Variants in EYA2 observed in about 807,000 individuals in gnomAD.
EYA2 encodes EYA transcriptional coactivator and phosphatase 2.
In EYA2, 31 loss-of-function variants were observed where a neutral mutation model predicts 69.2. The observed-to-expected ratio is 0.45, with a 90% CI of 0.34 to 0.60. EYA2 has a LOEUF of 0.60. Among genes scored for constraint, EYA2 ranks in the 20% least tolerant of loss-of-function variants. The pLI is 0.02. For missense variants in EYA2, 622 were observed against 701.2 expected (o/e 0.89, Z 1.28); for synonymous variants, 257 against 279.4 (o/e 0.92, Z 0.80).
chr20:47,125,435 G>GT (rs200964192), intron 9 of EYA2, among the ~76,000 whole-genome samples: 71 of 151,416 alleles, frequency 4.7e-4, no homozygotes, highest in African/African-American at 1.4e-3. Context: ...AAGAAGCCAA[G>GT]TTTTTTTTTA....
chr20:46,945,878 G>A (rs1978423638), intron 1 of EYA2, among the ~76,000 whole-genome samples: 1 of 152,236 alleles, frequency 6.6e-6, no homozygotes, highest in Non-Finnish European at 1.5e-5. Context: ...CAAGCCATCA[G>A]CTGTTGACAG....
intron 1 of EYA2, among the ~76,000 whole-genome samples, chr20:46,948,410 T>C (rs976626615): frequency 6.6e-6 from 1 of 152,204 alleles, no homozygotes; most frequent in African/African-American, 2.4e-5. Context: ...GTCTACTCTA[T>C]TTCTTTTTTG....
chr20:46,909,792 A>C (rs1239136240), intron 1 of EYA2, among the ~76,000 whole-genome samples: 1 of 152,106 alleles, frequency 6.6e-6, no homozygotes, highest in Non-Finnish European at 1.5e-5. Context: ...ATATCCCCCA[A>C]AATTGTACCT....
chr20:47,159,865 C>G (rs1158878747), intron 10 of EYA2, among the ~76,000 whole-genome samples: 1 of 152,030 alleles, frequency 6.6e-6, no homozygotes. Flanking sequence ...TGGCGCATGC[C>G]TGTAATCCCA....
intron 1 of EYA2, among the ~76,000 whole-genome samples, chr20:46,985,936 C>T (rs1422972845): frequency 6.6e-6 from 1 of 152,126 alleles, no homozygotes; most frequent in African/African-American, 2.4e-5. Flanking sequence ...GCTTCTAATA[C>T]TCTCATAGCA....
rs141317409 is a variant in EYA2, at chr20:47,143,066, C to T, written c.896C>T (p.Thr299Met). The T allele has an allele frequency of 4.9e-5, 79 of 1,613,338 alleles. No homozygotes were observed. The highest frequency in any genetic ancestry group is 1.6e-4 in the Middle Eastern group (1 of 6,084). ...TFASRYGKDT[T>M]TSVRIGLMME... Reference sequence around the variant, plus strand: ...CCCTTCTCTGCCTCGCAGGACACCACGACGTCCGTGCGCATTGGCCTTATG... The same window carrying T: ...CCCTTCTCTGCCTCGCAGGACACCATGACGTCCGTGCGCATTGGCCTTATG... The change falls in exon 10 of 16, where the codon ACG becomes ATG. Residue 299 changes from threonine (T) to methionine (M), a missense_variant. By Grantham distance (81) the Thr-to-Met change is moderately conservative (BLOSUM62 -1). This residue lies in a region of EYA2 where 257 missense variants were observed against 351.5 expected (regional missense o/e 0.73). Transcript: ENST00000327619.
chr20:47,096,420 T>A (rs1029871230), intron 8 of EYA2, among the ~76,000 whole-genome samples: 1 of 152,212 alleles, frequency 6.6e-6, no homozygotes, highest in Non-Finnish European at 1.5e-5. Flanking sequence ...CTACAGCTGA[T>A]AGACATTAGA....
chr20:47,183,248 G>A (rs200061377), intron 14 of EYA2, 43 bp from the exon 15 acceptor site: 3 of 1,592,008 alleles, frequency 1.9e-6, no homozygotes, highest in Non-Finnish European at 2.6e-6. Context: ...GCAATCCGGG[G>A]TCCTCACAGA....
intron 1 of EYA2, among the ~76,000 whole-genome samples, chr20:46,919,739 T>G (rs780181176): frequency 6.6e-6 from 1 of 152,270 alleles, no homozygotes; most frequent in Non-Finnish European, 1.5e-5. Context: ...ATTTTTCCTT[T>G]GCATTCACAA....
intron 4 of EYA2, among the ~76,000 whole-genome samples, chr20:47,006,063 G>A (rs1395735174): frequency 2.6e-5 from 4 of 152,214 alleles, no homozygotes; most frequent in African/African-American, 9.7e-5. Flanking sequence ...TTCCCTTTCT[G>A]TGGGCCTCAG....
chr20:47,160,237 CAACA>C (rs2034037010), intron 10 of EYA2, among the ~76,000 whole-genome samples: 1 of 152,096 alleles, frequency 6.6e-6, no homozygotes, highest in Non-Finnish European at 1.5e-5. Flanking sequence ...CACCAGGGGT[CAACA>C]AACTTCTGTA....
intron 8 of EYA2, among the ~76,000 whole-genome samples, chr20:47,090,938 G>A (rs941858881): frequency 2.0e-5 from 3 of 152,044 alleles, no homozygotes; most frequent in Non-Finnish European, 2.9e-5. Context: ...CAAACTCACC[G>A]GTTTATACTT....
intron 5 of EYA2, among the ~76,000 whole-genome samples, chr20:47,055,125 A>G (rs1408190143): frequency 2.6e-5 from 4 of 152,156 alleles, no homozygotes; most frequent in African/African-American, 9.7e-5. Flanking sequence ...TAAAGCAGTC[A>G]TTGTGGTCAG....
intron 1 of EYA2, among the ~76,000 whole-genome samples, chr20:46,944,599 T>G (rs1978347526): frequency 6.6e-6 from 1 of 152,112 alleles, no homozygotes; most frequent in Admixed American, 6.5e-5. Context: ...CTCCATAGTG[T>G]TGTTGAGAGG....
At chr20:46,944,264 G>C (rs543292203) in intron 1 of EYA2, among the ~76,000 whole-genome samples, 1 of 141,110 alleles carries the variant, frequency 7.1e-6, no homozygotes, top group Admixed American at 6.7e-5. Context: ...TGTGGTGATG[G>C]GAGACAATTG....
intron 9 of EYA2, among the ~76,000 whole-genome samples, chr20:47,105,357 G>A (rs1374826456): frequency 1.3e-5 from 2 of 152,166 alleles, no homozygotes; most frequent in African/African-American, 4.8e-5. Flanking sequence ...GGGCGTGGTG[G>A]CCCATGCCTG....
intron 1 of EYA2, among the ~76,000 whole-genome samples, chr20:46,912,262 A>G (rs1469396695): frequency 3.3e-5 from 5 of 152,208 alleles, no homozygotes; most frequent in African/African-American, 1.2e-4. Flanking sequence ...GTGGTCTACC[A>G]TGGAAACTCA....
At chr20:47,005,792 T>C (rs1025861741) in intron 4 of EYA2, among the ~76,000 whole-genome samples, 3 of 152,220 alleles carry the variant, frequency 2.0e-5, no homozygotes, top group Admixed American at 6.5e-5. Context: ...ATCTTACAGC[T>C]AAGAACTGAA....
Position 46,954,663 on chromosome 20 carries a change from G to A in EYA2, c.-10-35338G>A, listed in dbSNP as rs553921127. ...ACAGATGCTCCTTCCTTTCAGCCGA[G>A]CAAGTGAAGAAACCCTGTGCGTCAT... On this transcript the variant is annotated intron_variant, in intron 1 of 15. Transcript: ENST00000327619. Among the ~76,000 whole-genome samples the A allele has an allele frequency of 9.2e-5, 14 of 152,344 alleles. No individual in the cohort carries two copies. In the South Asian group the frequency reaches 2.9e-3, roughly 32 times the overall value.
Sources: allele counts gnomAD v4.1 joint callset (sites outside exome capture counted in the v4.1 genomes callset), GRCh38; gene constraint gnomAD v4.1.1; regional missense constraint gnomAD v4.1.1; transcripts MANE v1.5; gene names NCBI Gene and HGNC (gene_info 2026-07-23, HGNC 2026-07-21).